The following TTLL7 variants were observed in gnomAD, a reference collection of about 807,000 sequenced individuals.
TTLL7 encodes tubulin polyglutamylase TTLL7.
A neutral mutation model predicts 120.2 loss-of-function variants in TTLL7; 53 were observed. The ratio of observed to expected loss-of-function variants is 0.44; its 90% CI spans 0.35 to 0.55. The LOEUF is 0.55. TTLL7 is among the 20% of genes least tolerant of loss of function. The pLI is 0.00. For synonymous variants in TTLL7, 353 were observed against 351.7 expected, an observed-to-expected ratio of 1.00 and a Z score of -0.04; for missense variants, 803 against 1,054.7, an observed-to-expected ratio of 0.76 and a Z score of 3.31.
intron 20 of TTLL7, among the ~76,000 whole-genome samples, chr1:83,875,228 C>T (rs1476907598): frequency 6.6e-6 from 1 of 151,864 alleles, no homozygotes; most frequent in Non-Finnish European, 1.5e-5. Context: ...CCCAATTATA[C>T]ATTCCTTAAA....
At chr1:83,945,508 A>G (rs893763481) in intron 6 of TTLL7, among the ~76,000 whole-genome samples, 8 of 152,230 alleles carry the variant, frequency 5.3e-5, no homozygotes, top group Non-Finnish European at 1.2e-4. Flanking sequence ...CAACAATAAC[A>G]GTTGGGTTCT....
Position 83,917,621 on chromosome 1 carries a change from T to C in TTLL7, c.1570A>G (p.Lys524Glu). ...DDEKLMGKTT[K>E]TRGPKPLCSM... is the part of the protein sequence containing the mutation. ...TACTGCACCTTTGGTCCTCGAGTCT[T>C]GGTAGTTTTTCCCATCAACTTTTCA... Residue 524 changes from lysine to glutamate, a missense_variant, in exon 14 of 21, where the codon AAG becomes GAG. Transcript: ENST00000260505. 1.2e-6 allele frequency: 2 copies of C among 1,612,800 alleles called. No individual in the cohort carries two copies. The highest frequency in any genetic ancestry group is 1.7e-6 in the Non-Finnish European group (2 of 1,178,928).
intron 15 of TTLL7, among the ~76,000 whole-genome samples, chr1:83,909,269 C>CTTTTTTTT (rs71582911): frequency 1.0e-5 from 1 of 99,296 alleles, no homozygotes; most frequent in Non-Finnish European, 1.9e-5. Flanking sequence ...TTTTTTTTTC[C>CTTTTTTTT]TTTTTTTTTT....
intron 8 of TTLL7, among the ~76,000 whole-genome samples, chr1:83,936,037 T>C (rs373656571): frequency 1.1e-4 from 17 of 152,186 alleles, no homozygotes; most frequent in African/African-American, 4.1e-4. Flanking sequence ...TACCCACCTA[T>C]AGACAAGACC....
intron 6 of TTLL7, among the ~76,000 whole-genome samples, chr1:83,944,344 A>G (rs984814852): frequency 1.3e-5 from 2 of 152,214 alleles, no homozygotes; most frequent in African/African-American, 4.8e-5. Flanking sequence ...AGAGATCCAT[A>G]TCAAGATACA....
chr1:83,936,679 G>T, intron 8 of TTLL7, among the ~76,000 whole-genome samples: 1 of 152,286 alleles, frequency 6.6e-6, no homozygotes, highest in Admixed American at 6.5e-5. Context: ...CAAATTGGTG[G>T]ATATCTGACC....
Position 83,943,954 on chromosome 1 carries a change from G to C in TTLL7, c.507-1275C>G, listed in dbSNP as rs190385534. Among the ~76,000 whole-genome samples the C allele has an allele frequency of 1.2e-3, 188 of 152,014 alleles. 1 individual carries two copies. In the South Asian group the frequency reaches 0.016, roughly 13 times the overall value. The stretch of plus-strand genomic sequence containing the variant: ...GGAATATGAATAGTGATAGAAAATT[G>C]GGAAAAAATAAAGGAACCAAACAGA... On this transcript the variant is annotated intron_variant, in intron 6 of 20. Coordinates refer to ENST00000260505, the MANE Select transcript of TTLL7 (RefSeq NM_024686.6).
At chr1:83,968,419 G>A (rs1650679795) in intron 1 of TTLL7, among the ~76,000 whole-genome samples, 1 of 151,874 alleles carries the variant, frequency 6.6e-6, no homozygotes, top group African/African-American at 2.4e-5. Flanking sequence ...CTAAATTCAT[G>A]TTTTGAGTAG....
In TTLL7 at chr1:83,962,639, A is replaced by G. The variant is rs79548002; in HGVS notation, c.-176-10252T>C. 4.7e-4 allele frequency among the ~76,000 whole-genome samples: 71 copies of G among 152,274 alleles called. No homozygotes were observed. In the East Asian group the frequency reaches 0.013, roughly 29 times the overall value. On this transcript the variant is annotated intron_variant, in intron 1 of 20. Coordinates refer to ENST00000260505, the MANE Select transcript of TTLL7 (RefSeq NM_024686.6). ...GTAGCATTGTGCCTACTAAGTAACT[A>G]CATTTCCCAGACTTCCTTACAGGTA...
Position 83,867,071 on chromosome 1 carries a change from T to C in TTLL7, c.*2891A>G, listed in dbSNP as rs1652965275. 1 of 152,030 alleles carries C rather than the reference T, an allele frequency of 6.6e-6. No individual in the cohort carries two copies. The highest frequency in any genetic ancestry group is 1.5e-5 in the Non-Finnish European group (1 of 67,882). The allele number at this position is 152,030 out of a possible 1,614,324, so 9.4% of individuals were successfully genotyped here. A position where few individuals can be genotyped will look rare whatever the true frequency, so the allele number is the denominator to read the frequency against. Reference sequence around the variant, plus strand: ...ACCCAGTTCCCCTATTAAAAACCTCTGGTAAGATTAAGTAGCTTTTGGAGT... The same window carrying C: ...ACCCAGTTCCCCTATTAAAAACCTCCGGTAAGATTAAGTAGCTTTTGGAGT... On this transcript the variant is annotated 3_prime_UTR_variant, in exon 21 of 21. Coordinates refer to ENST00000260505, the MANE Select transcript of TTLL7 (RefSeq NM_024686.6).
At chr1:83,932,370 G>C (rs1659665393) in intron 9 of TTLL7, among the ~76,000 whole-genome samples, 1 of 152,126 alleles carries the variant, frequency 6.6e-6, no homozygotes, top group Non-Finnish European at 1.5e-5. Flanking sequence ...GCAAGATGAA[G>C]GGTCCATAGT....
chr1:83,935,908 G>A (rs1331423065), intron 8 of TTLL7, among the ~76,000 whole-genome samples: 1 of 152,044 alleles, frequency 6.6e-6, no homozygotes, highest in East Asian at 1.9e-4. Context: ...CATAAATGCA[G>A]ACAGGTGTTT....
intron 14 of TTLL7, among the ~76,000 whole-genome samples, chr1:83,916,552 A>T (rs1280430573): frequency 6.6e-6 from 1 of 152,026 alleles, no homozygotes; most frequent in African/African-American, 2.4e-5. Context: ...ATGACGAGTT[A>T]ATGGGTGCAG....
At chr1:83,884,139 A>G (rs925254959) in intron 19 of TTLL7, among the ~76,000 whole-genome samples, 3 of 149,424 alleles carry the variant, frequency 2.0e-5, no homozygotes, top group Admixed American at 6.7e-5. Context: ...GGAGGGAGGG[A>G]GAGAGAGAGA....
intron 20 of TTLL7, chr1:83,879,795 T>A (rs572187702): frequency 6.6e-6 from 1 of 152,118 alleles, no homozygotes; most frequent in East Asian, 1.9e-4. Context: ...ATCCTGACCA[T>A]TTATCAGAAG....
chr1:83,971,931 T>C (rs1651024950), intron 1 of TTLL7, among the ~76,000 whole-genome samples: 2 of 148,558 alleles, frequency 1.3e-5, no homozygotes, highest in South Asian at 4.2e-4. Flanking sequence ...AGATTTTTCA[T>C]ATTGATTTAT....
intron 1 of TTLL7, among the ~76,000 whole-genome samples, chr1:83,982,281 A>G (rs368374043): frequency 6.6e-6 from 1 of 152,342 alleles, no homozygotes; most frequent in South Asian, 2.1e-4. Flanking sequence ...CAGGCTGAGA[A>G]GGAAATTTAG....
intron 7 of TTLL7, among the ~76,000 whole-genome samples, chr1:83,941,040 G>A (rs560993261): frequency 6.6e-6 from 1 of 152,168 alleles, no homozygotes; most frequent in African/African-American, 2.4e-5. Context: ...GCTTTCTCCA[G>A]ACATGCCATA....
intron 18 of TTLL7, among the ~76,000 whole-genome samples, chr1:83,896,850 C>T (rs1405687318): frequency 6.6e-6 from 1 of 152,078 alleles, no homozygotes; most frequent in Non-Finnish European, 1.5e-5. Flanking sequence ...TTCAGCAAAT[C>T]TGGCATTCTT....
Sources: gnomAD v4.1 joint callset for allele counts (sites outside exome capture counted in the v4.1 genomes callset) on GRCh38, gnomAD v4.1.1 for gene constraint, MANE v1.5 for transcripts, NCBI Gene and HGNC (gene_info 2026-07-23, HGNC 2026-07-21) for gene names.